The following NSMF variants were observed in gnomAD, a reference collection of about 807,000 sequenced individuals.
NSMF encodes the protein nasal embryonic LHRH factor.
A neutral mutation model predicts 71.0 loss-of-function variants in NSMF; 31 were observed. That is an observed-to-expected ratio of 0.44 (90% CI 0.33 to 0.59). The LOEUF (loss-of-function observed/expected upper bound fraction) is 0.59, where lower values mean the gene tolerates loss of function less well. Ranked by LOEUF, NSMF falls within the 20% of genes least tolerant of loss-of-function variation. The pLI, the probability that NSMF is intolerant of heterozygous loss-of-function variation, is 0.04. For synonymous variants in NSMF, 345 were observed against 287.1 expected, an observed-to-expected ratio of 1.20 and a Z score of -2.04; for missense variants, 673 against 740.5, an observed-to-expected ratio of 0.91 and a Z score of 1.06.
At chr9:137,449,512 A>G (rs377748519) in intron 15 of NSMF, 21 bp from the exon 16 acceptor site, 308 of 1,611,904 alleles carry the variant, frequency 1.9e-4, no homozygotes, top group Non-Finnish European at 2.6e-4. Context: ...CGGGGGCAGG[A>G]GGCTCAGGCC....
chr9:137,448,497 A>G lies in NSMF; in HGVS notation c.*897T>C, dbSNP rs1027185035. The G allele has an allele frequency of 2.6e-5, 4 of 152,292 alleles. No homozygotes were observed. The highest frequency in any genetic ancestry group is 9.6e-5 in the African/African-American group (4 of 41,534). 9.4% of individuals were successfully genotyped at this position (152,292 alleles called of 1,614,324 possible). ...GGGTCCAGGGGCCCACTGTGGTGCC[A>G]GCGAGTTTCTCAAAACCCAGGGCCC... On this transcript the variant is annotated 3_prime_UTR_variant, in exon 16 of 16. Coordinates refer to ENST00000371475, the MANE Select transcript of NSMF (RefSeq NM_001130969.3). The surrounding 1 kb of genome is among the most constrained non-coding windows in gnomAD (Gnocchi z 5.3).
At chr9:137,452,499 G>A (rs1830585989) in intron 11 of NSMF, 54 bp downstream of exon 11, 2 of 1,612,128 alleles carry the variant, frequency 1.2e-6, no homozygotes, top group South Asian at 1.1e-5. Context: ...CCCCACCTGT[G>A]TCTGCCCCTC....
In NSMF at chr9:137,455,227, G is replaced by T. The variant is rs1830771468; in HGVS notation, c.779+12C>A. On this transcript the variant is annotated intron_variant, in intron 6 of 15. Transcript: ENST00000371475. ...AGATGGACCCTGGTGGCGAGTGGCT[G>T]GCAGGCCCTACCTCTGGATTACAGA... 4 of 1,612,372 alleles carry T rather than the reference G, an allele frequency of 2.5e-6. No homozygotes were observed. The highest frequency in any genetic ancestry group is 3.4e-6 in the Non-Finnish European group (4 of 1,179,684).
In NSMF at chr9:137,453,468, C is replaced by T; in HGVS notation, c.922+263G>A. 8.4e-6 allele frequency: 5 copies of T among 596,648 alleles called. No homozygotes were observed. Among genetic ancestry groups the T allele is most frequent in the Non-Finnish European group, 1.5e-5 (5 of 337,638 alleles). 37.0% of individuals were successfully genotyped at this position (596,648 alleles called of 1,614,324 possible). A position where few individuals can be genotyped will look rare whatever the true frequency, so the allele number is the denominator to read the frequency against. On this transcript the variant is annotated intron_variant, in intron 8 of 15. Transcript: ENST00000371475. This position sits in a 1 kb window ranked among gnomAD's most constrained non-coding sequence, Gnocchi z 4.5. The stretch of plus-strand genomic sequence containing the variant: ...CCTGGGAGGGAGTGGGGGCGGGCAC[C>T]GCAGCCCCCTGCCCCTGAGGGCCTC...
intron 14 of NSMF, 71 bp from the exon 15 acceptor site, chr9:137,449,745 G>C (rs1839818049): frequency 2.1e-6 from 3 of 1,442,068 alleles, no homozygotes; most frequent in East Asian, 4.7e-5. Flanking sequence ...GAGATGGGGA[G>C]CAGGGCCCAC....
chr9:137,456,283 C>T (rs903475439), intron 4 of NSMF, 128 bp downstream of exon 4: 21 of 812,040 alleles, frequency 2.6e-5, no homozygotes, highest in Middle Eastern at 6.8e-4. Flanking sequence ...CCTGGCACAG[C>T]ATAGGCACGT....
Position 137,453,815 on chromosome 9 carries a change from C to G in NSMF, c.838G>C (p.Ala280Pro). Residue 280 changes from alanine to proline, a missense_variant, in exon 8 of 16, where the codon GCT becomes CCT. By Grantham distance (27) the Ala-to-Pro change is conservative. Transcript: ENST00000371475. The surrounding 1 kb of genome is among the most constrained non-coding windows in gnomAD (Gnocchi z 4.5). ...GSRRVKAQTF[A>P]ERRERSFSRS... Reference sequence around the variant, plus strand: ...CTGAAGCTCCGCTCGCGCCGCTCAGCGAACGCTGCAGAGAGCAAAACCCGC... The same window carrying G: ...CTGAAGCTCCGCTCGCGCCGCTCAGGGAACGCTGCAGAGAGCAAAACCCGC... 6.3e-7 allele frequency: 1 copy of G among 1,589,594 alleles called. No homozygotes were observed. The highest frequency in any genetic ancestry group is 8.5e-7 in the Non-Finnish European group (1 of 1,174,942).
In NSMF at chr9:137,448,625, T is replaced by G. The variant is rs979749237; in HGVS notation, c.*769A>C. On this transcript the variant is annotated 3_prime_UTR_variant, in exon 16 of 16. Coordinates refer to ENST00000371475, the MANE Select transcript of NSMF (RefSeq NM_001130969.3). This position sits in a 1 kb window ranked among gnomAD's most constrained non-coding sequence, Gnocchi z 5.3. ...AACTCAACAGCAGCAATGAGAGTGC[T>G]GGGTGGGCTTGGGGGGATGGGGAGC... The G allele has an allele frequency of 6.5e-6, 1 of 153,668 alleles. No individual in the cohort carries two copies. The highest frequency in any genetic ancestry group is 1.4e-5 in the Non-Finnish European group (1 of 69,138). 9.5% of individuals were successfully genotyped at this position (153,668 alleles called of 1,614,324 possible). A position where few individuals can be genotyped will look rare whatever the true frequency, so the allele number is the denominator to read the frequency against.
At chr9:137,455,766 A>G (rs1409188365) in intron 4 of NSMF, 132 bp from the exon 5 acceptor site, 1 of 965,928 alleles carries the variant, frequency 1.0e-6, no homozygotes, top group Non-Finnish European at 1.6e-6. Flanking sequence ...CTCACAGGTA[A>G]CCCAGCCACC....
chr9:137,452,765 C>G lies in NSMF; in HGVS notation c.1102G>C (p.Asp368His). 1 of 1,607,062 alleles carries G rather than the reference C, an allele frequency of 6.2e-7. No individual in the cohort carries two copies. Among genetic ancestry groups the G allele is most frequent in the Non-Finnish European group, 8.5e-7 (1 of 1,177,964 alleles). ...AGGATGGGGATGATGGAGGGGTCAT[C>G]CCGGCGGATGATAGTGGGGATGTAC... The part of the protein sequence containing the change: ...AEYIPTIIRR[D>H]DPSIIPILYD... Residue 368 changes from aspartate to histidine, a missense_variant, in exon 10 of 16, where the codon GAT (aspartate) becomes CAT (histidine). Transcript: ENST00000371475.
At position 137,453,961 on chromosome 9, in the gene NSMF, G is replaced by A. The variant is rs376542933; in HGVS notation, c.833-141C>T. 8.8e-5 allele frequency: 61 copies of A among 691,596 alleles called. No homozygotes were observed. In the African/African-American group the frequency reaches 1.0e-3, roughly 11 times the overall value. 42.8% of individuals were successfully genotyped at this position (691,596 alleles called of 1,614,324 possible). On this transcript the variant is annotated intron_variant, in intron 7 of 15. Transcript: ENST00000371475. This position sits in a 1 kb window ranked among gnomAD's most constrained non-coding sequence, Gnocchi z 4.5. The stretch of plus-strand genomic sequence containing the variant: ...GGTCTAAGGCACATGAAGCAGACAC[G>A]GACCAGAGGCTCGGTTGGTTCAGGG...
In NSMF at chr9:137,452,770, C is replaced by G; in HGVS notation, c.1097G>C (p.Arg366Pro). ...GGGGATGATGGAGGGGTCATCCCGGCGGATGATAGTGGGGATGTACTCAGC... is the reference window on the plus strand; with the variant it reads ...GGGGATGATGGAGGGGTCATCCCGGGGGATGATAGTGGGGATGTACTCAGC... ...PKAEYIPTII[R>P]RDDPSIIPIL... is the part of the protein sequence containing the mutation. Residue 366 changes from arginine (R) to proline (P), a missense_variant, in exon 10 of 16, where the codon CGC (arginine) becomes CCC (proline). By Grantham distance (103) the Arg-to-Pro change is moderately radical (BLOSUM62 -2). Around this residue, in one of 2 missense-constraint regions of NSMF, gnomAD observed 202 missense variants for 280.8 expected, o/e 0.72. Transcript: ENST00000371475. The G allele has an allele frequency of 6.2e-7, 1 of 1,606,946 alleles. No homozygotes were observed. The highest frequency in any genetic ancestry group is 8.5e-7 in the Non-Finnish European group (1 of 1,177,856).
Position 137,459,214 on chromosome 9 carries a change from T to G in NSMF, c.-112A>C, listed in dbSNP as rs1831048365. 1 of 775,574 alleles carries G rather than the reference T, an allele frequency of 1.3e-6. No homozygotes were observed. The highest frequency in any genetic ancestry group is 1.6e-6 in the Non-Finnish European group (1 of 620,512). 48.0% of individuals were successfully genotyped at this position (775,574 alleles called of 1,614,324 possible). A position where few individuals can be genotyped will look rare whatever the true frequency, so the allele number is the denominator to read the frequency against. Reference sequence around the variant, plus strand: ...CGCGCTCGGGCTCGGGCTCGGGGTCTCGCTCGGGCTCCGGCTCGGGCTTGG... The same window carrying G: ...CGCGCTCGGGCTCGGGCTCGGGGTCGCGCTCGGGCTCCGGCTCGGGCTTGG... On this transcript the variant is annotated 5_prime_UTR_variant, in exon 1 of 16. Coordinates refer to ENST00000371475, the MANE Select transcript of NSMF (RefSeq NM_001130969.3).
intron 3 of NSMF, among the ~76,000 whole-genome samples, chr9:137,456,783 G>A (rs1588508577): frequency 6.6e-6 from 1 of 152,208 alleles, no homozygotes; most frequent in Non-Finnish European, 1.5e-5. Flanking sequence ...CTGTCTCCAG[G>A]AGGCCCAGGA....
At position 137,455,290 on chromosome 9, in the gene NSMF, G is replaced by C; in HGVS notation, c.728C>G (p.Ala243Gly). 1 of 1,612,762 alleles carries C rather than the reference G, an allele frequency of 6.2e-7. No individual in the cohort carries two copies. Among genetic ancestry groups the C allele is most frequent in the Non-Finnish European group, 8.5e-7 (1 of 1,179,914 alleles). ...CTCCCGTTTCCGGCGCTTCCTCTCC[G>C]CGTAGCCCCTGAACACCCTGGGAAA... ...MQAISVFRGYAERKRRKREND... is the reference protein window; with the variant it reads ...MQAISVFRGYGERKRRKREND... Residue 243 changes from alanine to glycine, a missense_variant, in exon 6 of 16, where the codon GCG (alanine) becomes GGG (glycine). This residue lies in a region of NSMF where 471 missense variants were observed against 459.6 expected (regional missense o/e 1.02). Coordinates refer to ENST00000371475, the MANE Select transcript of NSMF (RefSeq NM_001130969.3).
intron 6 of NSMF, 33 bp from the exon 7 acceptor site, chr9:137,454,476 G>C: frequency 1.3e-6 from 2 of 1,549,856 alleles, no homozygotes; most frequent in Non-Finnish European, 1.7e-6. Context: ...GAAGAGGGCC[G>C]TGAGAGGGTG....
At position 137,459,121 on chromosome 9, in the gene NSMF, T is replaced by TC; in HGVS notation, c.-20dup. 9.4e-7 allele frequency: 1 copy of TC among 1,064,994 alleles called. No homozygotes were observed. 66.0% of individuals were successfully genotyped at this position (1,064,994 alleles called of 1,614,324 possible). ...CGCCCATGGTCGAGGCGGCGGCGCA[T>TC]CCCCCGGGCCTCAGAGCGCGCCCCG... On this transcript the variant is annotated 5_prime_UTR_variant, in exon 1 of 16. Coordinates refer to ENST00000371475, the MANE Select transcript of NSMF (RefSeq NM_001130969.3).
chr9:137,455,212 T>C, intron 6 of NSMF, 27 bp downstream of exon 6: 1 of 1,611,164 alleles, frequency 6.2e-7, no homozygotes, highest in Non-Finnish European at 8.5e-7. Context: ...AGATGGACCC[T>C]GGTGGCGAGT....
rs1830657476 is a variant in NSMF at position 137,453,541 on chromosome 9, T to TG, written c.922+189dup. 1.3e-5 allele frequency: 8 copies of TG among 614,172 alleles called. No homozygotes were observed. Among genetic ancestry groups the TG allele is most frequent in the Non-Finnish European group, 2.3e-5 (8 of 352,144 alleles). 38.0% of individuals were successfully genotyped at this position (614,172 alleles called of 1,614,324 possible). A position where few individuals can be genotyped will look rare whatever the true frequency, so the allele number is the denominator to read the frequency against. ...CCCTACAGGCGCCCCCGGCCAGCAC[T>TG]GCCGCGGCCGTTGTTAGCCCCGCCT... is the stretch of plus-strand genomic sequence containing the variant. On this transcript the variant is annotated intron_variant, in intron 8 of 15. Transcript: ENST00000371475. This position sits in a 1 kb window ranked among gnomAD's most constrained non-coding sequence, Gnocchi z 4.5.
Sources: allele counts gnomAD v4.1 joint callset (sites outside exome capture counted in the v4.1 genomes callset), GRCh38; gene constraint gnomAD v4.1.1; regional missense constraint gnomAD v4.1.1; non-coding constraint Gnocchi (gnomAD v3.1); transcripts MANE v1.5; gene names NCBI Gene and HGNC (gene_info 2026-07-23, HGNC 2026-07-21).